Variants in SLC4A8 observed in about 807,000 individuals in gnomAD.
The protein encoded by SLC4A8 is electroneutral sodium bicarbonate exchanger 1.
Under a neutral mutation model 125.0 loss-of-function variants are expected in SLC4A8, and 40 were observed. That is an observed-to-expected ratio of 0.32 (90% CI 0.25 to 0.42). SLC4A8 has a LOEUF of 0.42. Ranked by LOEUF, SLC4A8 falls within the 10% of genes least tolerant of loss-of-function variation. The pLI is 1.00. For synonymous variants in SLC4A8, 456 were observed against 476.0 expected (o/e 0.96, Z 0.55); for missense variants, 863 against 1,355.1 (o/e 0.64, Z 5.70).
chr12:51,483,021 T>C (rs1243874406), intron 16 of SLC4A8, among the ~76,000 whole-genome samples: 1 of 152,174 alleles, frequency 6.6e-6, no homozygotes, highest in East Asian at 1.9e-4. Context: ...CAAGCATATT[T>C]GTCTCATTTT....
intron 1 of SLC4A8, among the ~76,000 whole-genome samples, chr12:51,407,071 G>A (rs1379421830): frequency 3.9e-5 from 6 of 152,166 alleles, no homozygotes; most frequent in Admixed American, 1.3e-4. Flanking sequence ...GAGGGTGCTG[G>A]CAGGTTTGGT....
At chr12:51,473,340 A>T (rs1950762372) in intron 14 of SLC4A8, among the ~76,000 whole-genome samples, 1 of 152,164 alleles carries the variant, frequency 6.6e-6, no homozygotes, top group Non-Finnish European at 1.5e-5. Context: ...ACTTTGTAAT[A>T]TGCATTTAAG....
intron 11 of SLC4A8, chr12:51,467,460 C>T (rs896357847): frequency 1.3e-5 from 2 of 152,178 alleles, no homozygotes; most frequent in Admixed American, 1.3e-4. Flanking sequence ...GTCCTGTGTC[C>T]ACCTGGATAC....
At chr12:51,495,649 T>C (rs1182326723) in intron 21 of SLC4A8, among the ~76,000 whole-genome samples, 1 of 151,884 alleles carries the variant, frequency 6.6e-6, no homozygotes, top group Non-Finnish European at 1.5e-5. Flanking sequence ...CTAATTTTTT[T>C]TGTATTTTTT....
At chr12:51,444,826 C>T (rs1392637895) in intron 2 of SLC4A8, among the ~76,000 whole-genome samples, 1 of 152,176 alleles carries the variant, frequency 6.6e-6, no homozygotes, top group African/African-American at 2.4e-5. Context: ...GTAATTTAAA[C>T]CAATAACATG....
intron 9 of SLC4A8, chr12:51,461,928 C>A: frequency 4.7e-6 from 1 of 210,650 alleles, no homozygotes. Flanking sequence ...ATTAGTAATT[C>A]CATCCAGTGT....
At chr12:51,410,309 C>T (rs1356653086) in intron 1 of SLC4A8, among the ~76,000 whole-genome samples, 3 of 152,296 alleles carry the variant, frequency 2.0e-5, no homozygotes, top group East Asian at 1.9e-4. Context: ...AATCCTTCCC[C>T]ACCCATCAGG....
At chr12:51,403,020 C>A (rs1370305435) in intron 1 of SLC4A8, 4 of 338,786 alleles carry the variant, frequency 1.2e-5, no homozygotes, top group Admixed American at 3.6e-5. Context: ...AGTTAGCTGG[C>A]AGTTCTGTAG....
intron 5 of SLC4A8, among the ~76,000 whole-genome samples, chr12:51,453,900 G>A (rs1004413699): frequency 6.6e-6 from 1 of 152,168 alleles, no homozygotes; most frequent in African/African-American, 2.4e-5. Flanking sequence ...GTGTATTATG[G>A]TATTCAAATG....
In SLC4A8 at chr12:51,472,278, G is replaced by A. The variant is rs562660914; in HGVS notation, c.1904+746G>A. ...CAAGTTCTGGCTGTACAGTTCTGAT[G>A]TGGAGGATCTGGTTGTGAAATGAAC... is the stretch of plus-strand genomic sequence containing the variant. On this transcript the variant is annotated intron_variant, in intron 14 of 24. Coordinates refer to ENST00000453097, the MANE Select transcript of SLC4A8 (RefSeq NM_001039960.3). Among the ~76,000 whole-genome samples the A allele has an allele frequency of 1.3e-4, 20 of 152,308 alleles. No homozygotes were observed. In the East Asian group the frequency reaches 3.3e-3, roughly 25 times the overall value.
At chr12:51,493,574 A>C (rs1196293129) in intron 19 of SLC4A8, 130 bp from the exon 20 acceptor site, 2 of 655,108 alleles carry the variant, frequency 3.1e-6, no homozygotes, top group African/African-American at 3.5e-5. Context: ...AGGCAGCAGA[A>C]ACTAATGCAA....
intron 1 of SLC4A8, 111 bp from the exon 2 acceptor site, chr12:51,440,597 A>G (rs1949563763): frequency 1.4e-6 from 1 of 737,178 alleles, no homozygotes; most frequent in East Asian, 3.0e-5. Flanking sequence ...AAATACAGGT[A>G]AACAATTGTG....
chr12:51,411,773 C>T (rs1220479108), intron 1 of SLC4A8, among the ~76,000 whole-genome samples: 1 of 152,010 alleles, frequency 6.6e-6, no homozygotes, highest in Non-Finnish European at 1.5e-5. Flanking sequence ...TTAAGAAGTT[C>T]TATTTAGTAG....
At chr12:51,435,713 C>T (rs756011035) in intron 1 of SLC4A8, among the ~76,000 whole-genome samples, 2 of 152,096 alleles carry the variant, frequency 1.3e-5, no homozygotes, top group Non-Finnish European at 2.9e-5. Flanking sequence ...TAGGCATTAC[C>T]CTACTGATGC....
At chr12:51,410,348 C>G (rs534405725) in intron 1 of SLC4A8, among the ~76,000 whole-genome samples, 1 of 152,222 alleles carries the variant, frequency 6.6e-6, no homozygotes, top group African/African-American at 2.4e-5. Context: ...GCATCTTTAG[C>G]TAGTTTTTTA....
Position 51,460,030 on chromosome 12 carries a change from A to T in SLC4A8, c.935A>T (p.Asp312Val). Residue 312 changes from aspartate (D) to valine (V), a missense_variant, in exon 8 of 25, where the codon GAC becomes GTC. By Grantham distance (152) the Asp-to-Val change is radical. Around this residue, in one of 6 missense-constraint regions of SLC4A8, gnomAD observed 390 missense variants for 634.4 expected, o/e 0.61. Coordinates refer to ENST00000453097, the MANE Select transcript of SLC4A8 (RefSeq NM_001039960.3). The part of the protein sequence containing the change: ...NVLVGEVDIL[D>V]RPIVAFVRLS... ...CTGGTTGGAGAGGTGGATATTTTGGACCGTCCCATTGTTGCCTTTGTGAGG... is the reference window on the plus strand; with the variant it reads ...CTGGTTGGAGAGGTGGATATTTTGGTCCGTCCCATTGTTGCCTTTGTGAGG... 1 of 1,613,546 alleles carries T rather than the reference A, an allele frequency of 6.2e-7. No individual in the cohort carries two copies. The highest frequency in any genetic ancestry group is 1.7e-5 in the Admixed American group (1 of 60,010).
At chr12:51,445,249 C>T (rs1949737243) in intron 2 of SLC4A8, among the ~76,000 whole-genome samples, 2 of 152,170 alleles carry the variant, frequency 1.3e-5, no homozygotes, top group Admixed American at 6.5e-5. Flanking sequence ...TGGCTCACCA[C>T]AGCCTCCACC....
intron 7 of SLC4A8, among the ~76,000 whole-genome samples, chr12:51,458,961 T>A (rs1165343039): frequency 6.6e-6 from 1 of 152,200 alleles, no homozygotes; most frequent in African/African-American, 2.4e-5. Context: ...TCTCCAGCAG[T>A]TCCTTCTCAC....
chr12:51,475,857 T>C (rs1039711164), intron 16 of SLC4A8, among the ~76,000 whole-genome samples: 16 of 152,238 alleles, frequency 1.1e-4, no homozygotes, highest in Non-Finnish European at 2.1e-4. Context: ...GAATGGCTAC[T>C]GGGACCTCAT....
Sources: gnomAD v4.1 joint callset for allele counts (sites outside exome capture counted in the v4.1 genomes callset) on GRCh38, gnomAD v4.1.1 for gene constraint, gnomAD v4.1.1 regional missense constraint, MANE v1.5 for transcripts, NCBI Gene and HGNC (gene_info 2026-07-23, HGNC 2026-07-21) for gene names.